Variants in EHBP1 observed in about 807,000 individuals in gnomAD.
EHBP1 encodes the protein EH domain-binding protein 1.
In EHBP1, 55 loss-of-function variants were observed where a neutral mutation model predicts 144.0. The ratio of observed to expected loss-of-function variants is 0.38; its 90% CI spans 0.31 to 0.48. The LOEUF (loss-of-function observed/expected upper bound fraction) is 0.48, where lower values mean the gene tolerates loss of function less well. Ranked by LOEUF, EHBP1 falls within the 20% of genes least tolerant of loss-of-function variation. EHBP1 has a pLI of 0.98. For synonymous variants in EHBP1, 469 were observed against 472.7 expected (o/e 0.99, Z 0.10); for missense variants, 1,200 against 1,364.2 (o/e 0.88, Z 1.90).
At chr2:63,022,064 C>T (rs1013021106) in intron 19 of EHBP1, among the ~76,000 whole-genome samples, 2 of 152,078 alleles carry the variant, frequency 1.3e-5, no homozygotes, top group Admixed American at 1.3e-4. Flanking sequence ...CCGCGCCCGG[C>T]ATTCGAAACA....
At chr2:62,858,133 C>T (rs143897027) in intron 7 of EHBP1, among the ~76,000 whole-genome samples, 83 of 152,156 alleles carry the variant, frequency 5.5e-4, no homozygotes, top group Non-Finnish European at 9.3e-4. Context: ...GTCAACTTCT[C>T]GGGTTATTAT....
intron 5 of EHBP1, among the ~76,000 whole-genome samples, chr2:62,774,158 G>A (rs1282614880): frequency 6.6e-6 from 1 of 152,038 alleles, no homozygotes; most frequent in African/African-American, 2.4e-5. Flanking sequence ...ATCACTTGAG[G>A]TCAGGAGTTG....
At chr2:62,898,843 AAG>A (rs1373348095) in intron 10 of EHBP1, among the ~76,000 whole-genome samples, 1 of 152,154 alleles carries the variant, frequency 6.6e-6, no homozygotes, top group Non-Finnish European at 1.5e-5. Flanking sequence ...TTAATAGAGA[AAG>A]AGAATGTAAG....
intron 7 of EHBP1, among the ~76,000 whole-genome samples, chr2:62,850,143 G>C (rs888977263): frequency 6.6e-6 from 1 of 152,166 alleles, no homozygotes; most frequent in Non-Finnish European, 1.5e-5. Context: ...GTTTAAGCCT[G>C]TGGAGAAAGT....
chr2:62,834,149 C>A (rs994365950), intron 7 of EHBP1, among the ~76,000 whole-genome samples: 1 of 152,168 alleles, frequency 6.6e-6, no homozygotes. Context: ...TGACATGGAA[C>A]CTACTTCTGG....
rs747008952 is a variant in EHBP1, at chr2:62,859,198, GA to G, written c.666del (p.Ala223GlnfsTer8). ...ELINKLNFLD[E>X]AEKDLATVNS... ...TATCAACAAACTTAACTTTTTGGAT[GA>G]AGCAGAAAAGGACTTGGCCACCGTG... On this transcript the variant is annotated frameshift_variant, in exon 8 of 23. Transcript: ENST00000431489. LOFTEE classifies it high-confidence loss of function. 3 of 1,611,624 alleles carry G rather than the reference GA, an allele frequency of 1.9e-6. No individual in the cohort carries two copies. The highest frequency in any genetic ancestry group is 2.5e-6 in the Non-Finnish European group (3 of 1,178,420).
chr2:62,974,379 G>A (rs1215209157), intron 14 of EHBP1, among the ~76,000 whole-genome samples: 3 of 152,110 alleles, frequency 2.0e-5, no homozygotes, highest in Non-Finnish European at 4.4e-5. Flanking sequence ...GATTATAAGA[G>A]TAGTACATGT....
At chr2:62,785,422 C>G (rs1315876597) in intron 5 of EHBP1, among the ~76,000 whole-genome samples, 1 of 152,134 alleles carries the variant, frequency 6.6e-6, no homozygotes, top group Non-Finnish European at 1.5e-5. Flanking sequence ...GAAAAAGATT[C>G]AGAAGTGTGT....
At chr2:62,759,558 A>G (rs773506830) in intron 3 of EHBP1, among the ~76,000 whole-genome samples, 4 of 152,016 alleles carry the variant, frequency 2.6e-5, no homozygotes, top group African/African-American at 4.8e-5. Context: ...GACGCCCACC[A>G]CTATGCCGGC....
At chr2:62,928,558 C>T (rs2055720600) in intron 10 of EHBP1, among the ~76,000 whole-genome samples, 1 of 151,952 alleles carries the variant, frequency 6.6e-6, no homozygotes, top group Non-Finnish European at 1.5e-5. Flanking sequence ...ATGTCAAGAA[C>T]ATGTTGTATA....
rs564978537 is a variant in EHBP1, at chr2:62,711,927, GGAA to G, written c.104+4634_104+4636del. On this transcript the variant is annotated intron_variant, in intron 2 of 22. Coordinates refer to ENST00000431489, the MANE Select transcript of EHBP1 (RefSeq NM_001142616.3). ...CTTGATTAAGTTGGCTTAGAGGAAA[GGAA>G]GTGATTACAGTGAGTATGATGATTT... 1.5e-4 allele frequency among the ~76,000 whole-genome samples: 23 copies of G among 152,282 alleles called. No homozygotes were observed. In the South Asian group the frequency reaches 4.3e-3, roughly 29 times the overall value.
At position 63,043,858 on chromosome 2, in the gene EHBP1, C is replaced by T. The variant is rs1471976817; in HGVS notation, c.3278-1208C>T. ...AGAAACCCAAAAGGATTGCACTTCT[C>T]TCTGTTTTTTGGAAAGTGCATTTGC... On this transcript the variant is annotated intron_variant, in intron 21 of 22. Coordinates refer to ENST00000431489, the MANE Select transcript of EHBP1 (RefSeq NM_001142616.3). The T allele has an allele frequency of 2.4e-5, 3 of 124,794 alleles. No homozygotes were observed. The East Asian group carries it at 8.0e-4, about 33-fold the overall frequency. 7.7% of individuals were successfully genotyped at this position (124,794 alleles called of 1,614,324 possible).
intron 10 of EHBP1, among the ~76,000 whole-genome samples, chr2:62,927,864 C>A (rs890634012): frequency 6.6e-6 from 1 of 151,950 alleles, no homozygotes; most frequent in South Asian, 2.1e-4. Flanking sequence ...AATTAAGTTA[C>A]AATAAAATTT....
At chr2:62,764,568 C>G (rs1347133902) in intron 4 of EHBP1, among the ~76,000 whole-genome samples, 1 of 152,036 alleles carries the variant, frequency 6.6e-6, no homozygotes, top group Non-Finnish European at 1.5e-5. Context: ...GAACTTATTA[C>G]AATTCAGATC....
intron 5 of EHBP1, among the ~76,000 whole-genome samples, chr2:62,815,759 A>C (rs1369379879): frequency 6.6e-6 from 1 of 152,226 alleles, no homozygotes; most frequent in Admixed American, 6.6e-5. Flanking sequence ...CTTGAAATTG[A>C]TAGTTTCCCA....
At chr2:62,848,998 T>G (rs1336384601) in intron 7 of EHBP1, among the ~76,000 whole-genome samples, 1 of 152,214 alleles carries the variant, frequency 6.6e-6, no homozygotes, top group Non-Finnish European at 1.5e-5. Flanking sequence ...GATTTATTGA[T>G]CTACTGTGTG....
chr2:62,909,719 G>A (rs1184618209), intron 10 of EHBP1, among the ~76,000 whole-genome samples: 1 of 152,092 alleles, frequency 6.6e-6, no homozygotes, highest in Non-Finnish European at 1.5e-5. Context: ...TTCAAGGGTA[G>A]AATCTCAGAA....
intron 3 of EHBP1, among the ~76,000 whole-genome samples, chr2:62,747,850 A>G (rs1220731658): frequency 6.6e-6 from 1 of 152,022 alleles, no homozygotes; most frequent in Non-Finnish European, 1.5e-5. Context: ...TGTGAATTCA[A>G]TTAGGCATCC....
intron 10 of EHBP1, among the ~76,000 whole-genome samples, chr2:62,886,112 C>G (rs2051905935): frequency 6.6e-6 from 1 of 152,154 alleles, no homozygotes; most frequent in African/African-American, 2.4e-5. Flanking sequence ...AGCAAGCACC[C>G]TTTTCAGCTT....
Sources: gnomAD v4.1 joint callset for allele counts (sites outside exome capture counted in the v4.1 genomes callset) on GRCh38, gnomAD v4.1.1 for gene constraint, MANE v1.5 for transcripts, NCBI Gene and HGNC (gene_info 2026-07-23, HGNC 2026-07-21) for gene names.